KCNQ3: variants seen among roughly 807,000 people sequenced by gnomAD.
The protein encoded by KCNQ3 is potassium voltage-gated channel subfamily KQT member 3.
KCNQ3 carries 30 observed loss-of-function variants against 92.5 expected under a neutral mutation model. The ratio of observed to expected loss-of-function variants is 0.32; its 90% CI spans 0.24 to 0.44. The LOEUF is 0.44. Ranked by LOEUF, KCNQ3 falls within the 20% of genes least tolerant of loss-of-function variation. The probability of loss-of-function intolerance (pLI) is 1.00; values close to 1 mark genes in which losing one functional copy is unlikely to be tolerated. For synonymous variants in KCNQ3, 450 were observed against 468.8 expected (o/e 0.96, Z 0.52); for missense variants, 913 against 1,140.3 (o/e 0.80, Z 2.87).
chr8:132,268,328 G>A (rs1257229148), intron 1 of KCNQ3, among the ~76,000 whole-genome samples: 2 of 152,100 alleles, frequency 1.3e-5, no homozygotes, highest in Non-Finnish European at 2.9e-5. Context: ...CCAGCAGCGC[G>A]ATCTTGGCTC....
At chr8:132,310,236 C>T (rs1426136873) in intron 1 of KCNQ3, among the ~76,000 whole-genome samples, 4 of 152,202 alleles carry the variant, frequency 2.6e-5, no homozygotes, top group South Asian at 4.1e-4. Flanking sequence ...CGTGCAGACC[C>T]AGGATGCTTT....
At chr8:132,187,732 GTGA>G (rs1375474720) in intron 1 of KCNQ3, among the ~76,000 whole-genome samples, 5 of 148,000 alleles carry the variant, frequency 3.4e-5, no homozygotes, top group South Asian at 2.2e-4. Flanking sequence ...GGTGGTGATA[GTGA>G]TGATGGTGGT....
At chr8:132,432,642 T>C (rs1461581193) in intron 1 of KCNQ3, among the ~76,000 whole-genome samples, 1 of 152,144 alleles carries the variant, frequency 6.6e-6, no homozygotes, top group East Asian at 1.9e-4. Flanking sequence ...TGCTGAAACA[T>C]TCCCTACTCT....
intron 1 of KCNQ3, among the ~76,000 whole-genome samples, chr8:132,435,669 C>T (rs961097151): frequency 2.0e-5 from 3 of 152,008 alleles, no homozygotes; most frequent in African/African-American, 7.2e-5. Context: ...CAAGCATAGA[C>T]CATTTTTTTC....
At chr8:132,332,094 A>G (rs75144860) in intron 1 of KCNQ3, among the ~76,000 whole-genome samples, 1,892 of 152,316 alleles carry the variant, frequency 0.012, 22 homozygotes, top group Middle Eastern at 0.071. Flanking sequence ...TAGGATATAA[A>G]AAGACTTTGA....
chr8:132,448,368 T>C (rs2130846932), intron 1 of KCNQ3, among the ~76,000 whole-genome samples: 1 of 142,928 alleles, frequency 7.0e-6, no homozygotes, highest in Admixed American at 6.9e-5. Flanking sequence ...CCTCAGCTGG[T>C]TTAAGATGGG....
chr8:132,276,376 G>A (rs1239809210), intron 1 of KCNQ3, among the ~76,000 whole-genome samples: 2 of 152,106 alleles, frequency 1.3e-5, no homozygotes, highest in Non-Finnish European at 2.9e-5. Context: ...TGACAGGGGA[G>A]CTGTCAGCAG....
At chr8:132,378,414 C>T (rs1819665476) in intron 1 of KCNQ3, among the ~76,000 whole-genome samples, 1 of 151,956 alleles carries the variant, frequency 6.6e-6, no homozygotes, top group Non-Finnish European at 1.5e-5. Flanking sequence ...AAAGACAATA[C>T]TAAAAACATT....
chr8:132,334,738 G>A (rs182168728), intron 1 of KCNQ3, among the ~76,000 whole-genome samples: 4 of 152,238 alleles, frequency 2.6e-5, no homozygotes, highest in African/African-American at 7.2e-5. Context: ...ATTCAAGAGC[G>A]TTTCTTGTAG....
chr8:132,188,903 T>G (rs1827075867), intron 1 of KCNQ3, among the ~76,000 whole-genome samples: 2 of 152,218 alleles, frequency 1.3e-5, no homozygotes, highest in Admixed American at 1.3e-4. Context: ...ATCCAGGACA[T>G]TCCCCATTTT....
At chr8:132,299,061 C>T (rs985437623) in intron 1 of KCNQ3, among the ~76,000 whole-genome samples, 2 of 151,480 alleles carry the variant, frequency 1.3e-5, no homozygotes, top group Non-Finnish European at 2.9e-5. Flanking sequence ...ATAACTGTTC[C>T]TATTCCCATA....
In KCNQ3 at chr8:132,124,617, TG is replaced by T. The variant is rs1161653504; in HGVS notation, c.*4644del. ...TGGGCATTAGTGAGGGGCTGCCTGC[TG>T]GCTTGTTTAGGGGCCAGTTGGCTCA... On this transcript the variant is annotated 3_prime_UTR_variant, in exon 15 of 15. Coordinates refer to ENST00000388996, the MANE Select transcript of KCNQ3 (RefSeq NM_004519.4). 6.6e-6 allele frequency: 1 copy of T among 152,266 alleles called. No homozygotes were observed. Among genetic ancestry groups the T allele is most frequent in the Non-Finnish European group, 1.5e-5 (1 of 68,058 alleles). 9.4% of individuals were successfully genotyped at this position (152,266 alleles called of 1,614,324 possible).
At position 132,199,803 on chromosome 8, in the gene KCNQ3, G is replaced by A. The variant is rs1267426940; in HGVS notation, c.387-13622C>T. Among the ~76,000 whole-genome samples, 8 of 151,976 alleles carry A rather than the reference G, an allele frequency of 5.3e-5. No individual in the cohort carries two copies. The East Asian group carries it at 5.8e-4, about 11-fold the overall frequency. ...CAGGCATCTGTAATCTCAGCTATTC[G>A]GGAGGCTGAGGTAGGAGAATCACTT... On this transcript the variant is annotated intron_variant, in intron 1 of 14. Transcript: ENST00000388996.
chr8:132,148,654 C>CTT (rs1825536408), intron 9 of KCNQ3, among the ~76,000 whole-genome samples: 1 of 152,220 alleles, frequency 6.6e-6, no homozygotes, highest in Non-Finnish European at 1.5e-5. Flanking sequence ...AAAGATCAGC[C>CTT]TTCACCAATG....
Position 132,129,569 on chromosome 8 carries a change from G to A in KCNQ3, c.2312C>T (p.Ser771Leu), listed in dbSNP as rs372002816. ...TCTCTGCCGGGGGGAGATTCGGTCC[G>A]AGTAGGGGCCCTGCAGGTCAGCCTG... ...HSQADLQGPY[S>L]DRISPRQRRS... is the part of the protein sequence containing the mutation. Residue 771 changes from serine (S) to leucine (L), a missense_variant, in exon 15 of 15, where the codon TCG becomes TTG. Coordinates refer to ENST00000388996, the MANE Select transcript of KCNQ3 (RefSeq NM_004519.4). This position sits in a 1 kb window ranked among gnomAD's most constrained non-coding sequence, Gnocchi z 5.9. The A allele has an allele frequency of 1.7e-5, 27 of 1,614,054 alleles. No individual in the cohort carries two copies. The highest frequency in any genetic ancestry group is 1.6e-4 in the Middle Eastern group (1 of 6,084).
At chr8:132,230,441 GAGAGAGACAGAGA>G (rs1205566543) in intron 1 of KCNQ3, among the ~76,000 whole-genome samples, 1 of 113,280 alleles carries the variant, frequency 8.8e-6, no homozygotes, top group Non-Finnish European at 1.8e-5. Context: ...GGCAGAGAGA[GAGAGAGACAGAGA>G]GAGAGAGAGA....
intron 1 of KCNQ3, among the ~76,000 whole-genome samples, chr8:132,217,721 A>G (rs1210677946): frequency 1.3e-5 from 2 of 151,438 alleles, no homozygotes; most frequent in Non-Finnish European, 2.9e-5. Flanking sequence ...AAAAAAAAAA[A>G]AAAAAAAAAC....
At chr8:132,349,709 A>G (rs1818802192) in intron 1 of KCNQ3, among the ~76,000 whole-genome samples, 3 of 152,238 alleles carry the variant, frequency 2.0e-5, no homozygotes. Context: ...GTAGAAGAAA[A>G]GCCATCCAGC....
intron 9 of KCNQ3, among the ~76,000 whole-genome samples, chr8:132,156,498 A>T (rs993104910): frequency 1.3e-5 from 2 of 152,088 alleles, no homozygotes; most frequent in Non-Finnish European, 2.9e-5. Context: ...ATAGATCTGG[A>T]GGGATCCAGG....
Sources: gnomAD v4.1 joint callset for allele counts (sites outside exome capture counted in the v4.1 genomes callset) on GRCh38, gnomAD v4.1.1 for gene constraint, Gnocchi (gnomAD v3.1) non-coding constraint, MANE v1.5 for transcripts, NCBI Gene and HGNC (gene_info 2026-07-23, HGNC 2026-07-21) for gene names.